DOCK9: variants seen among roughly 807,000 people sequenced by gnomAD.
DOCK9 encodes dedicator of cytokinesis protein 9.
A neutral mutation model predicts 263.3 loss-of-function variants in DOCK9; 89 were observed. The observed-to-expected ratio is 0.34, with a 90% CI of 0.28 to 0.40. DOCK9 has a LOEUF of 0.40. Among genes scored for constraint, DOCK9 ranks in the 10% least tolerant of loss-of-function variants. The pLI is 1.00. For synonymous variants in DOCK9, 976 were observed against 973.1 expected (o/e 1.00, Z -0.06); for missense variants, 2,140 against 2,603.4 (o/e 0.82, Z 3.87).
At chr13:98,926,013 G>A in intron 3 of DOCK9, 94 bp from the exon 4 acceptor site, 5 of 940,958 alleles carry the variant, frequency 5.3e-6, no homozygotes, top group Non-Finnish European at 7.6e-6. Flanking sequence ...CATACCCATA[G>A]AAACATCAAA....
intron 1 of DOCK9, among the ~76,000 whole-genome samples, chr13:98,957,633 T>A (rs2058203694): frequency 6.8e-6 from 1 of 147,664 alleles, no homozygotes; most frequent in African/African-American, 2.5e-5. Context: ...ATATTTTAAT[T>A]AAAAAAAAAA....
intron 44 of DOCK9, among the ~76,000 whole-genome samples, chr13:98,826,398 GT>G (rs2092540058): frequency 6.6e-6 from 1 of 152,204 alleles, no homozygotes; most frequent in Admixed American, 6.5e-5. Context: ...GGGAGATAAG[GT>G]TTCCATCAGA....
intron 35 of DOCK9, 43 bp from the exon 36 acceptor site, chr13:98,850,156 T>G: frequency 7.7e-7 from 1 of 1,298,082 alleles, no homozygotes; most frequent in South Asian, 1.6e-5. Context: ...ACATATGATA[T>G]ACATTATGGA....
intron 1 of DOCK9, among the ~76,000 whole-genome samples, chr13:98,962,226 G>GT (rs1478949754): frequency 6.6e-6 from 1 of 152,186 alleles, no homozygotes; most frequent in Non-Finnish European, 1.5e-5. Context: ...GTATGGAGGT[G>GT]TATCTAGAGG....
At position 98,900,102 on chromosome 13, in the gene DOCK9, G is replaced by A. The variant is rs2048047697; in HGVS notation, c.1503+1676C>T. Among the ~76,000 whole-genome samples the A allele has an allele frequency of 3.9e-5, 6 of 152,210 alleles. No homozygotes were observed. The South Asian group carries it at 1.2e-3, about 32-fold the overall frequency. ...GCCTTAATTCCTGCTTTAATTGAAT[G>A]CTTTGGAGGTGGCAGAAAAGTAAAT... On this transcript the variant is annotated intron_variant, in intron 13 of 52. Coordinates refer to ENST00000682017, the MANE Select transcript of DOCK9 (RefSeq NM_001366683.2).
intron 1 of DOCK9, among the ~76,000 whole-genome samples, chr13:99,078,224 A>G (rs1220004568): frequency 6.6e-6 from 1 of 152,158 alleles, no homozygotes; most frequent in East Asian, 1.9e-4. Context: ...AGCGGGGAGA[A>G]TCAGAACTGA....
chr13:98,817,493 A>G (rs369970399), intron 45 of DOCK9, among the ~76,000 whole-genome samples: 20 of 113,170 alleles, frequency 1.8e-4, no homozygotes, highest in Admixed American at 1.3e-4. Flanking sequence ...GGGTCTCACT[A>G]TGTTTCCCAG....
At chr13:98,973,501 G>C (rs546896510) in intron 1 of DOCK9, among the ~76,000 whole-genome samples, 11 of 152,204 alleles carry the variant, frequency 7.2e-5, no homozygotes, top group Admixed American at 7.2e-4. Flanking sequence ...GAGTAATCAC[G>C]TGGTCATTCA....
intron 1 of DOCK9, among the ~76,000 whole-genome samples, chr13:99,002,432 AG>A (rs1269104709): frequency 6.6e-6 from 1 of 152,098 alleles, no homozygotes; most frequent in Non-Finnish European, 1.5e-5. Flanking sequence ...TACTCCCTTC[AG>A]GGGCAACGTC....
At chr13:99,048,498 C>T (rs1184899440) in intron 1 of DOCK9, among the ~76,000 whole-genome samples, 5 of 152,342 alleles carry the variant, frequency 3.3e-5, no homozygotes, top group Admixed American at 6.5e-5. Context: ...GGGCTTATCA[C>T]GGAAAGCAAG....
At chr13:98,943,336 G>A (rs1054196869) in intron 2 of DOCK9, among the ~76,000 whole-genome samples, 1 of 152,216 alleles carries the variant, frequency 6.6e-6, no homozygotes, top group African/African-American at 2.4e-5. Context: ...TCAAACCCAT[G>A]TGGGACACAC....
In DOCK9 at chr13:98,998,544, G is replaced by C. The variant is rs146317285; in HGVS notation, c.130-42993C>G. 8.4e-3 allele frequency among the ~76,000 whole-genome samples: 1,282 copies of C among 152,272 alleles called. 10 individuals are homozygous for C. The highest frequency in any genetic ancestry group is 0.027 in the Middle Eastern group (8 of 294). On this transcript the variant is annotated intron_variant, in intron 1 of 32. Coordinates refer to the DOCK9 transcript ENST00000427887. Reference sequence around the variant, plus strand: ...CCTTTTAAGAATTTCCGAACCAAGAGACTTGGTGAAATCCATGAATGAGGA... The same window carrying C: ...CCTTTTAAGAATTTCCGAACCAAGACACTTGGTGAAATCCATGAATGAGGA...
chr13:99,024,112 A>T (rs1404583961), intron 1 of DOCK9, among the ~76,000 whole-genome samples: 1 of 152,212 alleles, frequency 6.6e-6, no homozygotes, highest in African/African-American at 2.4e-5. Context: ...AAAACCAATA[A>T]ATCCATAAAT....
At chr13:98,846,599 T>C (rs1448809667) in intron 37 of DOCK9, 1 of 1,342,068 alleles carries the variant, frequency 7.5e-7, no homozygotes, top group African/African-American at 1.5e-5. Context: ...GTGATTTGGG[T>C]TAGCAATCAA....
intron 1 of DOCK9, among the ~76,000 whole-genome samples, chr13:98,965,829 T>C (rs2059132295): frequency 6.6e-6 from 1 of 152,244 alleles, no homozygotes; most frequent in African/African-American, 2.4e-5. Flanking sequence ...CATGCTCCAG[T>C]GTGGTGTTAT....
At chr13:98,984,173 T>C (rs1208987271) in intron 1 of DOCK9, among the ~76,000 whole-genome samples, 2 of 152,156 alleles carry the variant, frequency 1.3e-5, no homozygotes, top group Non-Finnish European at 2.9e-5. Flanking sequence ...GACCGAGGCC[T>C]GGAGTGAGGA....
chr13:98,804,889 G>T, intron 49 of DOCK9, 110 bp downstream of exon 49: 1 of 1,068,790 alleles, frequency 9.4e-7, no homozygotes, highest in Non-Finnish European at 1.4e-6. Context: ...GTGTGGGGGT[G>T]GCTAACTGAG....
At chr13:99,046,920 A>G (rs182977662) in intron 1 of DOCK9, among the ~76,000 whole-genome samples, 1 of 152,366 alleles carries the variant, frequency 6.6e-6, no homozygotes, top group East Asian at 1.9e-4. Context: ...CTCCAAAGGA[A>G]AGCCCATCTT....
chr13:98,831,902 C>A, intron 39 of DOCK9, 116 bp from the exon 40 acceptor site: 2 of 1,250,712 alleles, frequency 1.6e-6, no homozygotes, highest in Non-Finnish European at 2.2e-6. Context: ...ATACTTTAAA[C>A]AAACTCTGCC....
Sources: allele counts gnomAD v4.1 joint callset (sites outside exome capture counted in the v4.1 genomes callset), GRCh38; gene constraint gnomAD v4.1.1; transcripts MANE v1.5; gene names NCBI Gene and HGNC (gene_info 2026-07-23, HGNC 2026-07-21).